UBR1: variants seen among roughly 807,000 people sequenced by gnomAD.
UBR1 encodes E3 ubiquitin-protein ligase UBR1.
In UBR1, 102 loss-of-function variants were observed where a neutral mutation model predicts 242.1. The ratio of observed to expected loss-of-function variants is 0.42; its 90% confidence interval spans 0.36 to 0.50. The LOEUF is 0.50. Ranked by LOEUF, UBR1 falls within the 20% of genes least tolerant of loss-of-function variation. The probability of loss-of-function intolerance (pLI) is 0.01; values close to 1 mark genes in which losing one functional copy is unlikely to be tolerated. For synonymous variants in UBR1, 675 were observed against 684.8 expected, an observed-to-expected ratio of 0.99 and a Z score of 0.22; for missense variants, 1,772 against 2,101.8, an observed-to-expected ratio of 0.84 and a Z score of 3.07.
intron 6 of UBR1, among the ~76,000 whole-genome samples, chr15:43,065,069 T>C (rs767272564): frequency 7.2e-5 from 11 of 152,218 alleles, no homozygotes; most frequent in Non-Finnish European, 1.5e-4. Flanking sequence ...TAGATTTTAC[T>C]TTGTACAACT....
intron 1 of UBR1, among the ~76,000 whole-genome samples, chr15:43,092,645 C>G (rs1006326518): frequency 6.6e-6 from 1 of 152,192 alleles, no homozygotes; most frequent in Non-Finnish European, 1.5e-5. Context: ...CCTCTGCCCC[C>G]TGGGTTCAAG....
At chr15:42,949,880 C>T (rs2031800953) in intron 46 of UBR1, among the ~76,000 whole-genome samples, 1 of 149,572 alleles carries the variant, frequency 6.7e-6, no homozygotes, top group Non-Finnish European at 1.5e-5. Context: ...GAATCTCCCT[C>T]TGTTGCCCAG....
chr15:43,042,139 C>A (rs2033427804), intron 15 of UBR1, among the ~76,000 whole-genome samples: 1 of 152,022 alleles, frequency 6.6e-6, no homozygotes, highest in African/African-American at 2.4e-5. Flanking sequence ...CTCAAAAAAC[C>A]AAACATAGAA....
intron 37 of UBR1, among the ~76,000 whole-genome samples, chr15:42,979,213 T>A (rs1176904461): frequency 6.6e-6 from 1 of 150,424 alleles, no homozygotes; most frequent in Non-Finnish European, 1.5e-5. Flanking sequence ...TTTTTTCTTT[T>A]TTTTTTTTTT....
intron 32 of UBR1, among the ~76,000 whole-genome samples, chr15:42,999,890 A>G (rs1261778520): frequency 6.6e-6 from 1 of 152,146 alleles, no homozygotes; most frequent in Non-Finnish European, 1.5e-5. Context: ...TTATTGAAAG[A>G]ATAGTCTTGA....
chr15:43,037,692 G>C, intron 17 of UBR1, 81 bp downstream of exon 17: 1 of 1,211,936 alleles, frequency 8.3e-7, no homozygotes, highest in South Asian at 1.3e-5. Context: ...TAAAATCTAG[G>C]AACACAGGGT....
chr15:42,953,083 T>C (rs1422187215), intron 44 of UBR1, among the ~76,000 whole-genome samples: 1 of 152,028 alleles, frequency 6.6e-6, no homozygotes, highest in Non-Finnish European at 1.5e-5. Context: ...ATTGTAGCCT[T>C]TGAGTTGGCC....
intron 1 of UBR1, among the ~76,000 whole-genome samples, chr15:43,100,400 G>T (rs966614159): frequency 6.6e-6 from 1 of 152,046 alleles, no homozygotes; most frequent in Non-Finnish European, 1.5e-5. Context: ...ACCCTAACAT[G>T]CCGGCTCATT....
chr15:43,054,042 C>T (rs748511256), intron 12 of UBR1, among the ~76,000 whole-genome samples: 2 of 152,022 alleles, frequency 1.3e-5, no homozygotes, highest in East Asian at 3.9e-4. Flanking sequence ...AACTGTATAG[C>T]AAAAAGGAGT....
rs1160643874 is a variant in UBR1, at chr15:42,942,910, A to G, written c.*2419T>C. On this transcript the variant is annotated 3_prime_UTR_variant, in exon 47 of 47. Coordinates refer to ENST00000290650, the MANE Select transcript of UBR1 (RefSeq NM_174916.3). ...GAGAAGTCCCTATTTTTCTTTTTAA[A>G]TATACACATATATTTTATTTTAAAA... 1.3e-5 allele frequency: 2 copies of G among 152,592 alleles called. No individual in the cohort carries two copies. Among genetic ancestry groups the G allele is most frequent in the African/African-American group, 4.8e-5 (2 of 41,458 alleles). 9.5% of individuals were successfully genotyped at this position (152,592 alleles called of 1,614,324 possible). A position where few individuals can be genotyped will look rare whatever the true frequency, so the allele number is the denominator to read the frequency against.
At chr15:42,985,088 G>A in intron 35 of UBR1, 146 bp from the exon 36 acceptor site, 1 of 668,458 alleles carries the variant, frequency 1.5e-6, no homozygotes, top group Non-Finnish European at 2.3e-6. Context: ...TTAAGTCTAT[G>A]CCAAAATTTT....
At chr15:43,067,519 T>C (rs2033769118) in intron 6 of UBR1, among the ~76,000 whole-genome samples, 1 of 152,206 alleles carries the variant, frequency 6.6e-6, no homozygotes, top group Admixed American at 6.5e-5. Context: ...ATAGAATTAA[T>C]ATTACTCTAA....
chr15:43,044,878 G>A (rs1368048515), intron 14 of UBR1, among the ~76,000 whole-genome samples: 4 of 152,198 alleles, frequency 2.6e-5, no homozygotes, highest in South Asian at 4.2e-4. Flanking sequence ...CTGGGTGACA[G>A]AGCGAGACTC....
At chr15:43,021,994 T>A (rs2033116759) in intron 26 of UBR1, among the ~76,000 whole-genome samples, 1 of 152,136 alleles carries the variant, frequency 6.6e-6, no homozygotes, top group African/African-American at 2.4e-5. Context: ...TAAATATCTG[T>A]CTCTGGTCTT....
At chr15:42,952,693 G>C (rs1388953475) in intron 44 of UBR1, among the ~76,000 whole-genome samples, 1 of 152,120 alleles carries the variant, frequency 6.6e-6, no homozygotes, top group African/African-American at 2.4e-5. Flanking sequence ...ATGGTGTCCT[G>C]ATAATTCTCA....
At chr15:43,066,239 C>T (rs892070939) in intron 6 of UBR1, among the ~76,000 whole-genome samples, 1 of 152,106 alleles carries the variant, frequency 6.6e-6, no homozygotes, top group African/African-American at 2.4e-5. Context: ...TTCCCCATTG[C>T]TTGTTTTTGT....
intron 1 of UBR1, among the ~76,000 whole-genome samples, chr15:43,101,778 C>T (rs1032301480): frequency 6.6e-6 from 1 of 151,838 alleles, no homozygotes; most frequent in African/African-American, 2.4e-5. Flanking sequence ...ACCAACCTGG[C>T]CAACATGGTG....
chr15:42,950,105 C>CT (rs1360684623), intron 46 of UBR1, among the ~76,000 whole-genome samples, 157 bp downstream of exon 46: 1 of 152,070 alleles, frequency 6.6e-6, no homozygotes, highest in African/African-American at 2.4e-5. Flanking sequence ...TCCCAAAGTG[C>CT]TAGGAATACA....
rs571125601 is a variant in UBR1 at position 43,041,478 on chromosome 15, C to G, written c.1849+1737G>C. Among the ~76,000 whole-genome samples the G allele has an allele frequency of 1.1e-3, 162 of 151,968 alleles. 1 individual carries two copies. The highest frequency in any genetic ancestry group is 1.9e-3 in the Admixed American group (29 of 15,252). ...GGAGGGGCCCCCAATGTATAGGGAC[C>G]CCCCTATACATTAAATGACGAGTTA... On this transcript the variant is annotated intron_variant, in intron 15 of 46. Coordinates refer to ENST00000290650, the MANE Select transcript of UBR1 (RefSeq NM_174916.3).
Sources: allele counts gnomAD v4.1 joint callset (sites outside exome capture counted in the v4.1 genomes callset), GRCh38; gene constraint gnomAD v4.1.1; transcripts MANE v1.5; gene names NCBI Gene and HGNC (gene_info 2026-07-23, HGNC 2026-07-21).